Variants in EHD3 observed in about 807,000 individuals in gnomAD.
The protein encoded by EHD3 is EH domain containing 3, also known as EH domain-containing protein 3.
In EHD3, 17 loss-of-function variants were observed where a neutral mutation model predicts 43.0. That is an observed-to-expected ratio of 0.40 (90% CI 0.27 to 0.59). The LOEUF (loss-of-function observed/expected upper bound fraction) is 0.59. Among genes scored for constraint, EHD3 ranks in the 20% least tolerant of loss-of-function variants. EHD3 has a pLI of 0.49. For missense variants in EHD3, 594 were observed against 705.6 expected, an observed-to-expected ratio of 0.84 and a Z score of 1.79; for synonymous variants, 313 against 289.5, an observed-to-expected ratio of 1.08 and a Z score of -0.82.
At chr2:31,234,937 A>G in intron 1 of EHD3, 89 bp downstream of exon 1, 1 of 1,254,956 alleles carries the variant, frequency 8.0e-7, no homozygotes. Flanking sequence ...CAGACAGGGG[A>G]CCAATGGGAA....
chr2:31,262,533 G>A (rs538020577), intron 5 of EHD3, among the ~76,000 whole-genome samples: 4 of 152,314 alleles, frequency 2.6e-5, no homozygotes, highest in Admixed American at 2.0e-4. Flanking sequence ...GTACACAGTA[G>A]CAAATCATTA....
rs559472099 is a variant in EHD3, at chr2:31,252,278, T to TC, written c.502+2813dup. Among the ~76,000 whole-genome samples the TC allele has an allele frequency of 7.2e-4, 109 of 152,256 alleles. 1 individual carries two copies. Among genetic ancestry groups the TC allele is most frequent in the Middle Eastern group, 6.8e-3 (2 of 292 alleles). On this transcript the variant is annotated intron_variant, in intron 3 of 5. Transcript: ENST00000322054. The stretch of plus-strand genomic sequence containing the variant: ...TCTGGATCACCATGAGCTACCTTCC[T>TC]CCCTCCCTCCCTGTCAGTTGGCACC...
chr2:31,266,057 G>A lies in EHD3; in HGVS notation c.1081-120G>A. 1 of 1,285,224 alleles carries A rather than the reference G, an allele frequency of 7.8e-7. No homozygotes were observed. Among genetic ancestry groups the A allele is most frequent in the Non-Finnish European group, 1.1e-6 (1 of 947,270 alleles). The allele number at this position is 1,285,224 out of a possible 1,614,324, so 79.6% of individuals were successfully genotyped here. On this transcript the variant is annotated intron_variant, in intron 5 of 5. Transcript: ENST00000322054. The surrounding 1 kb of genome is among the most constrained non-coding windows in gnomAD (Gnocchi z 5.1). The stretch of plus-strand genomic sequence containing the variant: ...CATCAGCTGAGCCTCTAGGTCACAG[G>A]TCTTTCATTGTAGAAAGGGATCAGC...
At chr2:31,248,411 TC>T (rs1442943480) in intron 2 of EHD3, among the ~76,000 whole-genome samples, 1 of 152,158 alleles carries the variant, frequency 6.6e-6, no homozygotes, top group Non-Finnish European at 1.5e-5. Flanking sequence ...CTGACTTCTC[TC>T]AGGGTGCTGG....
rs139625355 is a variant in EHD3 at position 31,254,194 on chromosome 2, C to T, written c.502+4726C>T. 4.3e-3 allele frequency among the ~76,000 whole-genome samples: 651 copies of T among 152,280 alleles called. 3 individuals are homozygous for T. Among genetic ancestry groups the T allele is most frequent in the African/African-American group, 0.014 (573 of 41,558 alleles). On this transcript the variant is annotated intron_variant, in intron 3 of 5. Transcript: ENST00000322054. ...GGTCCACGGCTTCTCAGCACATTAT[C>T]ATCACCTGCCCCGGAAGAGCACAGG...
chr2:31,240,022 C>G (rs1683390441), intron 1 of EHD3, among the ~76,000 whole-genome samples: 1 of 152,178 alleles, frequency 6.6e-6, no homozygotes, highest in Non-Finnish European at 1.5e-5. Context: ...ACCAGATTCT[C>G]CTTCGTGCTG....
intron 1 of EHD3, 119 bp downstream of exon 1, chr2:31,234,967 G>A: frequency 1.1e-6 from 1 of 928,516 alleles, no homozygotes; most frequent in Non-Finnish European, 1.6e-6. Context: ...TGAGGGCTCT[G>A]AAGAGATCTG....
intron 1 of EHD3, among the ~76,000 whole-genome samples, chr2:31,241,500 T>G (rs1572462252): frequency 6.6e-6 from 1 of 152,216 alleles, no homozygotes; most frequent in Admixed American, 6.5e-5. Flanking sequence ...ACTTCTGCAA[T>G]GAATTTAATC....
chr2:31,241,394 AC>A (rs1195878160), intron 1 of EHD3, among the ~76,000 whole-genome samples: 6 of 152,160 alleles, frequency 3.9e-5, no homozygotes, highest in Admixed American at 1.3e-4. Flanking sequence ...TAACCCTGTT[AC>A]TGTTTACTGA....
At chr2:31,263,605 G>A (rs1400704227) in intron 5 of EHD3, among the ~76,000 whole-genome samples, 2 of 152,164 alleles carry the variant, frequency 1.3e-5, no homozygotes, top group African/African-American at 4.8e-5. Flanking sequence ...TCTGAGGGGT[G>A]GGAGATAGGG....
intron 1 of EHD3, among the ~76,000 whole-genome samples, chr2:31,239,762 G>C (rs567282561): frequency 1.2e-4 from 18 of 152,352 alleles, no homozygotes; most frequent in African/African-American, 4.3e-4. Flanking sequence ...GGGGTGGGGA[G>C]GGGGAGGCAG....
chr2:31,266,807 C>A lies in EHD3; in HGVS notation c.*103C>A. On this transcript the variant is annotated 3_prime_UTR_variant, in exon 6 of 6. Transcript: ENST00000322054. The surrounding 1 kb of genome is among the most constrained non-coding windows in gnomAD (Gnocchi z 5.1). ...ACACACACACACAAACATGCACACA[C>A]ACATATGCATATCTTGACATTGCTC... 1 of 1,332,946 alleles carries A rather than the reference C, an allele frequency of 7.5e-7. No individual in the cohort carries two copies. Among genetic ancestry groups the A allele is most frequent in the Non-Finnish European group, 1.0e-6 (1 of 988,950 alleles). The allele number at this position is 1,332,946 out of a possible 1,614,324, so 82.6% of individuals were successfully genotyped here. A position where few individuals can be genotyped will look rare whatever the true frequency, so the allele number is the denominator to read the frequency against.
At chr2:31,261,746 C>T in intron 5 of EHD3, 33 bp downstream of exon 5, 2 of 1,608,914 alleles carry the variant, frequency 1.2e-6, no homozygotes, top group Non-Finnish European at 1.7e-6. Context: ...AGACAAGGGA[C>T]AGTGTCCCGA....
At chr2:31,252,798 C>T (rs942500737) in intron 3 of EHD3, among the ~76,000 whole-genome samples, 5 of 152,210 alleles carry the variant, frequency 3.3e-5, no homozygotes, top group African/African-American at 1.2e-4. Flanking sequence ...GGTCCCCCTA[C>T]CTCTGGGAGA....
At chr2:31,245,044 C>T (rs1406286399) in intron 2 of EHD3, among the ~76,000 whole-genome samples, 1 of 152,224 alleles carries the variant, frequency 6.6e-6, no homozygotes, top group African/African-American at 2.4e-5. Context: ...TCTGGGCCTT[C>T]ACATTAATTA....
intron 2 of EHD3, among the ~76,000 whole-genome samples, chr2:31,246,164 AAGGTGCAGTGGGGC>A (rs1683522751): frequency 6.6e-6 from 1 of 152,060 alleles, no homozygotes; most frequent in Admixed American, 6.6e-5. Context: ...TCGTGGTGGT[AAGGTGCAGTGGGGC>A]AGGTGTCCTG....
chr2:31,258,692 G>A (rs1041710831), intron 3 of EHD3, among the ~76,000 whole-genome samples: 1 of 152,186 alleles, frequency 6.6e-6, no homozygotes, highest in Admixed American at 6.5e-5. Flanking sequence ...GTCATCGTGA[G>A]GATTAAAGGA....
chr2:31,237,040 T>G (rs1683337908), intron 1 of EHD3, among the ~76,000 whole-genome samples: 1 of 152,170 alleles, frequency 6.6e-6, no homozygotes, highest in Non-Finnish European at 1.5e-5. Flanking sequence ...TCCCCACTCA[T>G]GTCAGCAACT....
Position 31,234,791 on chromosome 2 carries a change from A to G in EHD3, c.170A>G (p.Asn57Ser), listed in dbSNP as rs1683292856. The G allele has an allele frequency of 1.2e-6, 2 of 1,614,038 alleles. No homozygotes were observed. Among genetic ancestry groups the G allele is most frequent in the East Asian group, 2.2e-5 (1 of 44,864 alleles). ...SPALEDADFD[N>S]KPMVLLVGQY... The stretch of plus-strand genomic sequence containing the variant: ...GCCCTGGAGGATGCCGACTTCGACA[A>G]CAAGCCCATGGTTCTGCTGGTGGGC... Residue 57 changes from asparagine to serine, a missense_variant, in exon 1 of 6, where the codon AAC becomes AGC. Coordinates refer to ENST00000322054, the MANE Select transcript of EHD3 (RefSeq NM_014600.3).
Sources: gnomAD v4.1 joint callset for allele counts (sites outside exome capture counted in the v4.1 genomes callset) on GRCh38, gnomAD v4.1.1 for gene constraint, Gnocchi (gnomAD v3.1) non-coding constraint, MANE v1.5 for transcripts, NCBI Gene and HGNC (gene_info 2026-07-23, HGNC 2026-07-21) for gene names.